Variants in CHRM5 observed in about 807,000 individuals in gnomAD.
The protein encoded by CHRM5 is cholinergic receptor muscarinic 5, also known as muscarinic acetylcholine receptor M5.
Under a neutral mutation model 39.0 loss-of-function variants are expected in CHRM5, and 18 were observed. The observed-to-expected ratio is 0.46, with a 90% confidence interval of 0.32 to 0.68. The LOEUF (loss-of-function observed/expected upper bound fraction) is 0.68. Among genes scored for constraint, CHRM5 ranks in the 30% least tolerant of loss-of-function variants. The pLI is 0.04. For synonymous variants in CHRM5, 241 were observed against 246.3 expected, an observed-to-expected ratio of 0.98 and a Z score of 0.20; for missense variants, 515 against 651.1, an observed-to-expected ratio of 0.79 and a Z score of 2.28.
chr15:34,034,879 G>C (rs1009449162), intron 1 of CHRM5, among the ~76,000 whole-genome samples: 6 of 152,102 alleles, frequency 3.9e-5, no homozygotes, highest in African/African-American at 1.4e-4. Context: ...TTTGCTTCAG[G>C]CTTTCTGGAA....
chr15:33,990,722 C>G (rs1046484133), intron 1 of CHRM5: 5 of 152,190 alleles, frequency 3.3e-5, no homozygotes, highest in African/African-American at 1.2e-4. Context: ...AATGGCTGCT[C>G]TGGGGACCGA....
chr15:34,026,589 C>T (rs985232416), intron 1 of CHRM5, among the ~76,000 whole-genome samples: 1 of 151,872 alleles, frequency 6.6e-6, no homozygotes, highest in African/African-American at 2.4e-5. Flanking sequence ...AAATCAGGTA[C>T]TCAAATTTTC....
chr15:33,983,194 G>C (rs12910307), intron 1 of CHRM5, among the ~76,000 whole-genome samples: 2 of 55,708 alleles, frequency 3.6e-5, no homozygotes, highest in African/African-American at 3.5e-4. Context: ...GTGTGTGTAT[G>C]TGTGTGTATA....
intron 1 of CHRM5, among the ~76,000 whole-genome samples, chr15:34,040,743 A>G (rs148221111): frequency 5.8e-4 from 89 of 152,172 alleles, no homozygotes; most frequent in African/African-American, 2.0e-3. Flanking sequence ...CCTGGGCAAC[A>G]TGGTGAAACC....
intron 1 of CHRM5, chr15:34,003,219 T>C (rs1395743556): frequency 6.2e-7 from 1 of 1,612,398 alleles, no homozygotes; most frequent in Non-Finnish European, 8.5e-7. Context: ...CCTGCAATCA[T>C]TAGAGACAAA....
chr15:33,977,636 G>C (rs1895942856), intron 1 of CHRM5, among the ~76,000 whole-genome samples: 1 of 152,152 alleles, frequency 6.6e-6, no homozygotes, highest in South Asian at 2.1e-4. Flanking sequence ...CTATGTCTAT[G>C]TCTGTGAAAT....
At position 34,064,312 on chromosome 15, in the gene CHRM5, C is replaced by T; in HGVS notation, c.1595C>T (p.Pro532Leu). Residue 532 changes from proline (P) to leucine (L), a missense_variant, in exon 3 of 3, where the codon CCC (proline) becomes CTC (leucine). Coordinates refer to ENST00000383263, the MANE Select transcript of CHRM5 (RefSeq NM_012125.4). ...KLYWQGNSKL[P>L] ...TACTGGCAGGGGAACAGCAAGCTAC[C>T]CTGAAAAGTCAACAACTCCTCTCGA... is the stretch of plus-strand genomic sequence containing the variant. 3.7e-6 allele frequency: 6 copies of T among 1,609,768 alleles called. No homozygotes were observed. Among genetic ancestry groups the T allele is most frequent in the Non-Finnish European group, 1.7e-6 (2 of 1,178,124 alleles).
At chr15:33,987,420 G>C (rs1597316261) in intron 1 of CHRM5, among the ~76,000 whole-genome samples, 2 of 152,200 alleles carry the variant, frequency 1.3e-5, no homozygotes, top group Non-Finnish European at 2.9e-5. Flanking sequence ...ACAGCCACCA[G>C]ACAGTCTCTT....
intron 1 of CHRM5, among the ~76,000 whole-genome samples, chr15:33,980,881 A>AG (rs1300886571): frequency 6.6e-6 from 1 of 152,226 alleles, no homozygotes; most frequent in Non-Finnish European, 1.5e-5. Context: ...GAAAAAATAC[A>AG]GCTAAATGTA....
chr15:34,004,314 T>G (rs567325149), intron 1 of CHRM5, among the ~76,000 whole-genome samples: 1 of 152,002 alleles, frequency 6.6e-6, no homozygotes, highest in East Asian at 1.9e-4. Context: ...TGCAGAAAGA[T>G]GCACAATGTG....
At chr15:34,042,396 GTT>G (rs35456951) in intron 1 of CHRM5, among the ~76,000 whole-genome samples, 8 of 130,372 alleles carry the variant, frequency 6.1e-5, no homozygotes, top group African/African-American at 2.1e-4. Flanking sequence ...CATGACCTAA[GTT>G]TTTTTTTTTT....
chr15:33,988,935 T>C (rs1896599417), intron 1 of CHRM5, among the ~76,000 whole-genome samples: 1 of 152,246 alleles, frequency 6.6e-6, no homozygotes, highest in African/African-American at 2.4e-5. Context: ...CTAAATCCCC[T>C]GTATTTTAGT....
At chr15:33,977,120 G>A (rs1156683378) in intron 1 of CHRM5, among the ~76,000 whole-genome samples, 26 of 152,182 alleles carry the variant, frequency 1.7e-4, no homozygotes, top group Admixed American at 1.7e-3. Flanking sequence ...AAGGTTGAAA[G>A]GCTGTCTCCT....
At chr15:34,055,114 C>T (rs1225942019) in intron 2 of CHRM5, among the ~76,000 whole-genome samples, 1 of 150,864 alleles carries the variant, frequency 6.6e-6, no homozygotes, top group South Asian at 2.1e-4. Context: ...ATCACTTGAA[C>T]CCGGGAGGCG....
chr15:34,048,022 C>CGTGT lies in CHRM5; in HGVS notation c.-76+1162_-76+1165dup, dbSNP rs71119921. Among the ~76,000 whole-genome samples the CGTGT allele has an allele frequency of 9.2e-5, 14 of 151,468 alleles. 1 individual carries two copies. The highest frequency in any genetic ancestry group is 4.2e-4 in the South Asian group (2 of 4,792). On this transcript the variant is annotated intron_variant, in intron 2 of 2. Transcript: ENST00000383263. Reference sequence around the variant, plus strand: ...CAGGCACACATCACCACGTCCAGCTCGTGTGTGTGTGTGTTTGTGTGTGTG... The same window carrying CGTGT: ...CAGGCACACATCACCACGTCCAGCTCGTGTGTGTGTGTGTGTGTTTGTGTGTGTG...
chr15:33,976,233 T>C (rs1597297123), intron 1 of CHRM5, among the ~76,000 whole-genome samples: 5 of 152,224 alleles, frequency 3.3e-5, no homozygotes, highest in Admixed American at 2.6e-4. Flanking sequence ...TATATTACAA[T>C]GTATTCATTT....
intron 1 of CHRM5, among the ~76,000 whole-genome samples, chr15:34,020,302 C>G (rs1159693502): frequency 1.6e-5 from 2 of 126,078 alleles, no homozygotes; most frequent in Non-Finnish European, 3.7e-5. Context: ...CCGAGCGAGA[C>G]TCCATCTCAA....
At chr15:33,988,293 A>T (rs998433506) in intron 1 of CHRM5, among the ~76,000 whole-genome samples, 1 of 152,234 alleles carries the variant, frequency 6.6e-6, no homozygotes, top group African/African-American at 2.4e-5. Flanking sequence ...AATGAACAGT[A>T]TCAAGTGCAA....
chr15:33,982,126 C>G (rs1202977021), intron 1 of CHRM5, among the ~76,000 whole-genome samples: 1 of 152,060 alleles, frequency 6.6e-6, no homozygotes, highest in East Asian at 1.9e-4. Context: ...CTCAGCCTCC[C>G]AAAGTGCTGG....
Sources: gnomAD v4.1 joint callset for allele counts (sites outside exome capture counted in the v4.1 genomes callset) on GRCh38, gnomAD v4.1.1 for gene constraint, MANE v1.5 for transcripts, NCBI Gene and HGNC (gene_info 2026-07-23, HGNC 2026-07-21) for gene names.